Variants in CLCA2 observed in about 807,000 individuals in gnomAD.
The protein encoded by CLCA2 is calcium-activated chloride channel regulator 2.
In CLCA2, 85 loss-of-function variants were observed where a neutral mutation model predicts 82.9. The observed-to-expected ratio is 1.03, with a 90% CI of 0.86 to 1.23. The LOEUF is 1.23. Among genes scored for constraint, CLCA2 ranks in the 50% most tolerant of loss-of-function variants. The probability of loss-of-function intolerance (pLI) is 0.00; values close to 1 mark genes in which losing one functional copy is unlikely to be tolerated. For synonymous variants in CLCA2, 421 were observed against 391.7 expected (o/e 1.07, Z -0.88); for missense variants, 1,089 against 1,124.8 (o/e 0.97, Z 0.45).
At position 86,454,529 on chromosome 1, in the gene CLCA2, C is replaced by T. The variant is rs776006419; in HGVS notation, c.2390-556C>T. On this transcript the variant is annotated intron_variant, in intron 13 of 13. Coordinates refer to ENST00000370565, the MANE Select transcript of CLCA2 (RefSeq NM_006536.7). Reference sequence around the variant, plus strand: ...ATAACAGACCAGGCGCAGTGGCTCACGCCTGAAATCCCAGCAGTTTGGGAG... The same window carrying T: ...ATAACAGACCAGGCGCAGTGGCTCATGCCTGAAATCCCAGCAGTTTGGGAG... 3.3e-5 allele frequency among the ~76,000 whole-genome samples: 5 copies of T among 152,158 alleles called. No individual in the cohort carries two copies. The South Asian group carries it at 6.2e-4, about 19-fold the overall frequency.
At position 86,425,292 on chromosome 1, in the gene CLCA2, C is replaced by T. The variant is rs887660032; in HGVS notation, c.187-47C>T. On this transcript the variant is annotated intron_variant, in intron 1 of 13. Coordinates refer to ENST00000370565, the MANE Select transcript of CLCA2 (RefSeq NM_006536.7). ...AAGCATACCAGAAAACCAAAACATA[C>T]AGGATTTACAAGTGGTAAAGTAAGT... 45 of 1,425,868 alleles carry T rather than the reference C, an allele frequency of 3.2e-5. No individual in the cohort carries two copies. In the Admixed American group the frequency reaches 9.1e-4, roughly 29 times the overall value. 88.3% of individuals were successfully genotyped at this position (1,425,868 alleles called of 1,614,324 possible).
chr1:86,424,516 G>A (rs1662350655), intron 1 of CLCA2, 83 bp downstream of exon 1: 2 of 1,213,408 alleles, frequency 1.6e-6, no homozygotes, highest in Admixed American at 5.1e-5. Context: ...ACCCTGCCTG[G>A]TTTGTATTTG....
At position 86,424,231 on chromosome 1, in the gene CLCA2, G is replaced by A. The variant is rs1558097616; in HGVS notation, c.-17G>A. 6.2e-7 allele frequency: 1 copy of A among 1,605,258 alleles called. No homozygotes were observed. The highest frequency in any genetic ancestry group is 8.5e-7 in the Non-Finnish European group (1 of 1,176,704). Reference sequence around the variant, plus strand: ...GCAGCAGGCTCAGTGTGAGTGAACTGGAGGCTTCTCTACAACATGACCCAA... The same window carrying A: ...GCAGCAGGCTCAGTGTGAGTGAACTAGAGGCTTCTCTACAACATGACCCAA... On this transcript the variant is annotated 5_prime_UTR_variant, in exon 1 of 14. Transcript: ENST00000370565.
chr1:86,440,396 A>T, intron 8 of CLCA2, 71 bp downstream of exon 8: 1 of 1,311,874 alleles, frequency 7.6e-7, no homozygotes, highest in Non-Finnish European at 1.1e-6. Flanking sequence ...CACAACTATG[A>T]AACTCATTAT....
chr1:86,455,034 A>C, intron 13 of CLCA2, 51 bp from the exon 14 acceptor site: 7 of 1,134,726 alleles, frequency 6.2e-6, no homozygotes, highest in Non-Finnish European at 8.5e-6. Flanking sequence ...AATAAACTAG[A>C]AAATATACTC....
rs1236964646 is a variant in CLCA2 at position 86,437,655 on chromosome 1, C to T, written c.973-1221C>T. 2.0e-5 allele frequency among the ~76,000 whole-genome samples: 3 copies of T among 151,842 alleles called. No individual in the cohort carries two copies. In the East Asian group the frequency reaches 5.8e-4, roughly 29 times the overall value. ...AACACTGGGTAGATCTGAGAGGTGG[C>T]GAATGGGATAGAGACATAGGTATGG... is the stretch of plus-strand genomic sequence containing the variant. On this transcript the variant is annotated intron_variant, in intron 6 of 13. Transcript: ENST00000370565.
At position 86,437,234 on chromosome 1, in the gene CLCA2, A is replaced by G. The variant is rs559013285; in HGVS notation, c.973-1642A>G. Reference sequence around the variant, plus strand: ...TGAACCATTATTGCCATTCATTATCAGATGCCTACACTGCACTGGCCTGAG... The same window carrying G: ...TGAACCATTATTGCCATTCATTATCGGATGCCTACACTGCACTGGCCTGAG... On this transcript the variant is annotated intron_variant, in intron 6 of 13. Coordinates refer to ENST00000370565, the MANE Select transcript of CLCA2 (RefSeq NM_006536.7). 3.3e-5 allele frequency among the ~76,000 whole-genome samples: 5 copies of G among 152,318 alleles called. No homozygotes were observed. In the East Asian group the frequency reaches 9.7e-4, roughly 29 times the overall value.
At position 86,443,088 on chromosome 1, in the gene CLCA2, G is replaced by A. The variant is rs180725222; in HGVS notation, c.1489-699G>A. 1.0e-3 allele frequency among the ~76,000 whole-genome samples: 153 copies of A among 151,562 alleles called. 1 individual carries two copies. Among genetic ancestry groups the A allele is most frequent in the East Asian group, 4.7e-3 (24 of 5,138 alleles). ...TTCTCCCAGGCTGGAGTGCAGTGGC[G>A]CGATCTCAGCTCACTGCAGCCTCCA... On this transcript the variant is annotated intron_variant, in intron 9 of 13. Coordinates refer to ENST00000370565, the MANE Select transcript of CLCA2 (RefSeq NM_006536.7).
At chr1:86,444,054 G>T (rs1174526562) in intron 10 of CLCA2, 43 bp downstream of exon 10, 3 of 1,301,938 alleles carry the variant, frequency 2.3e-6, no homozygotes, top group Non-Finnish European at 3.3e-6. Flanking sequence ...GTTCAACCAA[G>T]TTTATGATTT....
Position 86,434,516 on chromosome 1 carries a change from A to G in CLCA2, c.745-2A>G. Reference sequence around the variant, plus strand: ...TTTATTAAAGACTGTTTTTATTTCCAGGTGGTTGAATTTTGTAATGCAAGT... The same window carrying G: ...TTTATTAAAGACTGTTTTTATTTCCGGGTGGTTGAATTTTGTAATGCAAGT... On this transcript the variant is annotated splice_acceptor_variant, in intron 5 of 13. Transcript: ENST00000370565. LOFTEE classifies it high-confidence loss of function. 1.2e-6 allele frequency: 2 copies of G among 1,612,922 alleles called. No homozygotes were observed. The highest frequency in any genetic ancestry group is 1.7e-6 in the Non-Finnish European group (2 of 1,179,030).
intron 5 of CLCA2, among the ~76,000 whole-genome samples, chr1:86,434,261 G>C (rs1264389425): frequency 2.0e-5 from 3 of 152,012 alleles, no homozygotes; most frequent in Non-Finnish European, 2.9e-5. Context: ...ACACATACAT[G>C]GTTTGTTATC....
At chr1:86,438,451 G>A (rs1662656626) in intron 6 of CLCA2, among the ~76,000 whole-genome samples, 4 of 152,090 alleles carry the variant, frequency 2.6e-5, no homozygotes, top group Admixed American at 2.0e-4. Flanking sequence ...GGGTAGTGCC[G>A]GGGCAGATCA....
rs1663053742 is a variant in CLCA2 at position 86,455,361 on chromosome 1, C to T, written c.2666C>T (p.Pro889Leu). ...ATTGCCCAGGCGCCTCTGTTTATTC[C>T]CCCCAATTCTGATCCTGTACCTGCC... is the stretch of plus-strand genomic sequence containing the variant. Reference protein sequence around the residue: ...SNIAQAPLFIPPNSDPVPARD... With the variant: ...SNIAQAPLFILPNSDPVPARD... Residue 889 changes from proline (P) to leucine (L), a missense_variant, in exon 14 of 14, where the codon CCC becomes CTC. Pro to Leu is a moderately conservative substitution (Grantham distance 98, BLOSUM62 -3). Coordinates refer to ENST00000370565, the MANE Select transcript of CLCA2 (RefSeq NM_006536.7). The T allele has an allele frequency of 1.2e-6, 2 of 1,611,560 alleles. No individual in the cohort carries two copies. Among genetic ancestry groups the T allele is most frequent in the South Asian group, 2.2e-5 (2 of 90,416 alleles).
In CLCA2 at chr1:86,450,348, C is replaced by T. The variant is rs1256532588; in HGVS notation, c.1985-215C>T. On this transcript the variant is annotated intron_variant, in intron 11 of 13. Transcript: ENST00000370565. ...TTATTAGCATGGTACAACTTATTCA[C>T]CTTTAGAAAATCATTTTACTGAGGT... Among the ~76,000 whole-genome samples the T allele has an allele frequency of 2.0e-5, 3 of 151,980 alleles. No homozygotes were observed. The East Asian group carries it at 5.8e-4, about 29-fold the overall frequency.
chr1:86,446,138 T>C (rs900262795), intron 10 of CLCA2, among the ~76,000 whole-genome samples: 4 of 151,722 alleles, frequency 2.6e-5, no homozygotes, highest in Admixed American at 2.0e-4. Context: ...ACAGACCAGC[T>C]GCATTCCTCC....
At position 86,440,273 on chromosome 1, in the gene CLCA2, T is replaced by G; in HGVS notation, c.1329T>G (p.Ile443Met). Residue 443 changes from isoleucine to methionine, a missense_variant, in exon 8 of 14, where the codon ATT becomes ATG. Ile to Met is a conservative substitution (Grantham distance 10). Coordinates refer to ENST00000370565, the MANE Select transcript of CLCA2 (RefSeq NM_006536.7). ...GCAGTGGTTCAACAATTCACTCCAT[T>G]GCCCTGGGTTCATCTGCAGCCCCAA... ...VLSSGSTIHSIALGSSAAPNL... is the reference protein window; with the variant it reads ...VLSSGSTIHSMALGSSAAPNL... 1.9e-6 allele frequency: 3 copies of G among 1,614,154 alleles called. No individual in the cohort carries two copies. The highest frequency in any genetic ancestry group is 2.5e-6 in the Non-Finnish European group (3 of 1,180,000).
chr1:86,434,421 G>A, intron 5 of CLCA2, 97 bp from the exon 6 acceptor site: 1 of 951,324 alleles, frequency 1.1e-6, no homozygotes, highest in South Asian at 1.6e-5. Context: ...TTTTCTTTCA[G>A]TTCACCTTTT....
intron 3 of CLCA2, among the ~76,000 whole-genome samples, chr1:86,429,817 G>A (rs35269679): frequency 0.026 from 4,009 of 152,202 alleles, 63 homozygotes; most frequent in South Asian, 0.055. Context: ...AGCAGGAAGT[G>A]GAGTGAAACA....
intron 10 of CLCA2, among the ~76,000 whole-genome samples, chr1:86,447,210 T>G (rs570356687): frequency 1.3e-5 from 2 of 152,300 alleles, no homozygotes; most frequent in South Asian, 2.1e-4. Flanking sequence ...ACACTATTAT[T>G]GTTATGTTCT....
Sources: allele counts gnomAD v4.1 joint callset (sites outside exome capture counted in the v4.1 genomes callset), GRCh38; gene constraint gnomAD v4.1.1; transcripts MANE v1.5; gene names NCBI Gene and HGNC (gene_info 2026-07-23, HGNC 2026-07-21).